The following MYH9 variants were observed in gnomAD, a reference collection of about 807,000 sequenced individuals.
MYH9 encodes the protein myosin heavy chain 9, also known as myosin-9.
Under a neutral mutation model 241.9 loss-of-function variants are expected in MYH9, and 29 were observed. The observed-to-expected ratio is 0.12, with a 90% confidence interval of 0.09 to 0.16. The LOEUF (loss-of-function observed/expected upper bound fraction) is 0.16. Among genes scored for constraint, MYH9 ranks in the 10% least tolerant of loss-of-function variants. The pLI, the probability that MYH9 is intolerant of heterozygous loss-of-function variation, is 1.00. For synonymous variants in MYH9, 1,047 were observed against 1,062.6 expected (o/e 0.99, Z 0.29); for missense variants, 1,803 against 2,595.5 (o/e 0.69, Z 6.63).
In MYH9 at chr22:36,349,155, C is replaced by G. The variant is rs1408199233; in HGVS notation, c.82G>C (p.Ala28Pro). 6.2e-7 allele frequency: 1 copy of G among 1,614,176 alleles called. No individual in the cohort carries two copies. Among genetic ancestry groups the G allele is most frequent in the Non-Finnish European group, 8.5e-7 (1 of 1,179,974 alleles). Residue 28 changes from alanine to proline, a missense_variant, in exon 2 of 41, where the codon GCC becomes CCC. By Grantham distance (27) the Ala-to-Pro change is conservative (BLOSUM62 -1). Transcript: ENST00000216181. ...GAAGGCACCCATACCAGCTTCTTGG[C>G]AGCCCAGTCGGCCTGGGCCAGCGGA... Reference protein sequence around the residue: ...NNPLAQADWAAKKLVWVPSDK... With the variant: ...NNPLAQADWAPKKLVWVPSDK...
intron 1 of MYH9, among the ~76,000 whole-genome samples, chr22:36,349,616 G>A (rs746852035): frequency 9.9e-5 from 15 of 152,134 alleles, no homozygotes; most frequent in Admixed American, 6.5e-5. Flanking sequence ...TGTCATCCTA[G>A]CTACTCGGGA....
chr22:36,308,682 C>T (rs368972812), intron 15 of MYH9: 51 of 378,214 alleles, frequency 1.3e-4, no homozygotes, highest in African/African-American at 9.3e-4. Context: ...GATCAGGGAA[C>T]GGGGGTGTAA....
At chr22:36,370,793 A>G (rs2018078634) in intron 1 of MYH9, among the ~76,000 whole-genome samples, 1 of 152,130 alleles carries the variant, frequency 6.6e-6, no homozygotes, top group Non-Finnish European at 1.5e-5. Context: ...TCAGAAGTAG[A>G]AGCCCGGAGC....
At position 36,285,174 on chromosome 22, in the gene MYH9, G is replaced by A. The variant is rs755623688; in HGVS notation, c.5430C>T (p.Thr1810=). ...TVKSKYKASI[T]ALEAKIAQLE... Reference sequence around the variant, plus strand: ...GCTGTGCAATCTTGGCCTCGAGGGCGGTGATGGAGGCCTTGTACTTGGACT... The same window carrying A: ...GCTGTGCAATCTTGGCCTCGAGGGCAGTGATGGAGGCCTTGTACTTGGACT... Residue 1810 remains threonine (T), a synonymous_variant, in exon 38 of 41, where the codon ACC becomes ACT. Coordinates refer to ENST00000216181, the MANE Select transcript of MYH9 (RefSeq NM_002473.6). The surrounding 1 kb of genome is among the most constrained non-coding windows in gnomAD (Gnocchi z 7.0). 65 of 1,614,016 alleles carry A rather than the reference G, an allele frequency of 4.0e-5. No homozygotes were observed. The highest frequency in any genetic ancestry group is 6.7e-5 in the East Asian group (3 of 44,888).
chr22:36,285,541 C>T lies in MYH9; in HGVS notation c.5274+117G>A. 6.6e-7 allele frequency: 1 copy of T among 1,521,942 alleles called. No individual in the cohort carries two copies. Among genetic ancestry groups the T allele is most frequent in the Non-Finnish European group, 8.9e-7 (1 of 1,122,352 alleles). The allele number at this position is 1,521,942 out of a possible 1,614,324, so 94.3% of individuals were successfully genotyped here. On this transcript the variant is annotated intron_variant, in intron 37 of 40. Transcript: ENST00000216181. The surrounding 1 kb of genome is among the most constrained non-coding windows in gnomAD (Gnocchi z 7.0). ...GGTCCAGGTGCCTGGACATTTTCCCCTAAGCGCCTGGGGAGCAGCTGGCAC... is the reference window on the plus strand; with the variant it reads ...GGTCCAGGTGCCTGGACATTTTCCCTTAAGCGCCTGGGGAGCAGCTGGCAC...
intron 1 of MYH9, among the ~76,000 whole-genome samples, chr22:36,355,146 C>T (rs1172548199): frequency 1.3e-5 from 2 of 152,066 alleles, no homozygotes; most frequent in South Asian, 2.1e-4. Flanking sequence ...CTTTCCTTCC[C>T]GCCGGCTTCC....
At chr22:36,298,436 C>T (rs2146341195) in intron 24 of MYH9, among the ~76,000 whole-genome samples, 1 of 152,308 alleles carries the variant, frequency 6.6e-6, no homozygotes, top group South Asian at 2.1e-4. Flanking sequence ...CTTTACGGTA[C>T]ATATGTGTTC....
intron 10 of MYH9, among the ~76,000 whole-genome samples, chr22:36,319,079 T>C (rs973377518): frequency 3.3e-5 from 5 of 152,072 alleles, no homozygotes; most frequent in African/African-American, 1.2e-4. Context: ...TCTTTTACAA[T>C]CCACACACCC....
chr22:36,319,892 C>A (rs1356089302), intron 9 of MYH9: 5 of 612,400 alleles, frequency 8.2e-6, no homozygotes, highest in Non-Finnish European at 8.7e-6. Flanking sequence ...GCACAAAGCA[C>A]CCATCTATCC....
chr22:36,373,613 A>G (rs1407014891), intron 1 of MYH9, among the ~76,000 whole-genome samples: 1 of 152,154 alleles, frequency 6.6e-6, no homozygotes, highest in Non-Finnish European at 1.5e-5. Context: ...ACCACACCAG[A>G]GTGAAGTGGC....
rs746155138 is a variant in MYH9, at chr22:36,319,546, T to C, written c.1102A>G (p.Asn368Asp). 4.3e-5 allele frequency: 70 copies of C among 1,614,044 alleles called. No homozygotes were observed. Among genetic ancestry groups the C allele is most frequent in the Non-Finnish European group, 5.7e-5 (67 of 1,180,036 alleles). Reference sequence around the variant, plus strand: ...GAGAGGCCCCGGGTGTTACCTGTGTTGTCGGGCATGGACGCCTGGTCAGTG... The same window carrying C: ...GAGAGGCCCCGGGTGTTACCTGTGTCGTCGGGCATGGACGCCTGGTCAGTG... Reference protein sequence around the residue: ...RNTDQASMPDNTAAQKVSHLL... With the variant: ...RNTDQASMPDDTAAQKVSHLL... Residue 368 changes from asparagine to aspartate, a missense_variant, in exon 10 of 41, where the codon AAC becomes GAC. Around this residue, in one of 11 missense-constraint regions of MYH9, gnomAD observed 222 missense variants for 359.9 expected, o/e 0.62. Coordinates refer to ENST00000216181, the MANE Select transcript of MYH9 (RefSeq NM_002473.6).
At chr22:36,296,767 G>T in intron 25 of MYH9, 76 bp downstream of exon 25, 1 of 1,470,850 alleles carries the variant, frequency 6.8e-7, no homozygotes, top group South Asian at 1.3e-5. Flanking sequence ...CACTAGTGCC[G>T]AGAACTAGGG....
chr22:36,339,742 T>A (rs1311543891), intron 3 of MYH9, among the ~76,000 whole-genome samples: 1 of 152,128 alleles, frequency 6.6e-6, no homozygotes, highest in Non-Finnish European at 1.5e-5. Context: ...TAATGGGACA[T>A]AACAAACCAC....
chr22:36,354,956 AACACACACACAC>A lies in MYH9; in HGVS notation c.-19-5713_-19-5702del, dbSNP rs136203. Among the ~76,000 whole-genome samples, 872 of 123,714 alleles carry A rather than the reference AACACACACACAC, an allele frequency of 7.0e-3. 10 individuals carry two copies. The highest frequency in any genetic ancestry group is 0.047 in the South Asian group (166 of 3,554). 81.2% of individuals were successfully genotyped at this position (123,714 alleles called of 152,430 possible). ...AAAAAAACAAAAAAACAAAAAACAA[AACACACACACAC>A]ACACACACACACACACACACACACA... is the stretch of plus-strand genomic sequence containing the variant. On this transcript the variant is annotated intron_variant, in intron 1 of 40. Coordinates refer to ENST00000216181, the MANE Select transcript of MYH9 (RefSeq NM_002473.6).
Position 36,284,444 on chromosome 22 carries a change from C to A in MYH9, c.5551G>T (p.Val1851Leu). Residue 1851 changes from valine (V) to leucine (L), a missense_variant, in exon 39 of 41, where the codon GTG (valine) becomes TTG (leucine). By Grantham distance (32) the Val-to-Leu change is conservative. Coordinates refer to ENST00000216181, the MANE Select transcript of MYH9 (RefSeq NM_002473.6). ...TCGGCGTTCCTCCGCTCGTCATCCA[C>A]CTGCAGCAGCACATCCTTCAGCTTC... ...EKKLKDVLLQVDDERRNAEQY... is the reference protein window; with the variant it reads ...EKKLKDVLLQLDDERRNAEQY... 1 of 1,613,564 alleles carries A rather than the reference C, an allele frequency of 6.2e-7. No homozygotes were observed. Among genetic ancestry groups the A allele is most frequent in the Non-Finnish European group, 8.5e-7 (1 of 1,180,044 alleles).
At chr22:36,294,026 G>C in intron 28 of MYH9, 66 bp downstream of exon 28, 1 of 1,564,794 alleles carries the variant, frequency 6.4e-7, no homozygotes, top group East Asian at 2.2e-5. Context: ...ACATGCACCT[G>C]GGGACCTGGG....
chr22:36,352,960 A>G (rs1020788121), intron 1 of MYH9, among the ~76,000 whole-genome samples: 2 of 152,126 alleles, frequency 1.3e-5, no homozygotes, highest in Non-Finnish European at 2.9e-5. Context: ...CGGCAGGGAG[A>G]GCCGCAAAGG....
chr22:36,317,612 T>C (rs2017178970), intron 11 of MYH9, among the ~76,000 whole-genome samples: 1 of 152,226 alleles, frequency 6.6e-6, no homozygotes, highest in Non-Finnish European at 1.5e-5. Flanking sequence ...GAGATGGGTT[T>C]GGCACCCTAA....
intron 19 of MYH9, among the ~76,000 whole-genome samples, 171 bp from the exon 20 acceptor site, chr22:36,302,847 A>G (rs1308422915): frequency 6.6e-6 from 1 of 152,220 alleles, no homozygotes; most frequent in Non-Finnish European, 1.5e-5. Flanking sequence ...TCTCCCACTT[A>G]CAGGCTGTGT....
Sources: gnomAD v4.1 joint callset for allele counts (sites outside exome capture counted in the v4.1 genomes callset) on GRCh38, gnomAD v4.1.1 for gene constraint, gnomAD v4.1.1 regional missense constraint, Gnocchi (gnomAD v3.1) non-coding constraint, MANE v1.5 for transcripts, NCBI Gene and HGNC (gene_info 2026-07-23, HGNC 2026-07-21) for gene names.